The following TAB2 variants were observed in gnomAD, a reference collection of about 807,000 sequenced individuals.
The protein encoded by TAB2 is TGF-beta-activated kinase 1 and MAP3K7-binding protein 2.
A neutral mutation model predicts 65.0 loss-of-function variants in TAB2; 3 were observed. The observed-to-expected ratio is 0.05, with a 90% CI of 0.02 to 0.12. TAB2 has a LOEUF of 0.12. TAB2 is among the 10% of genes least tolerant of loss of function. The probability of loss-of-function intolerance (pLI) is 1.00; values close to 1 mark genes in which losing one functional copy is unlikely to be tolerated. For missense variants in TAB2, 623 were observed against 840.3 expected, an observed-to-expected ratio of 0.74 and a Z score of 3.20; for synonymous variants, 298 against 285.1, an observed-to-expected ratio of 1.05 and a Z score of -0.46.
chr6:149,228,103 A>C (rs779045509), intron 1 of TAB2, among the ~76,000 whole-genome samples: 2 of 152,126 alleles, frequency 1.3e-5, no homozygotes, highest in Admixed American at 6.5e-5. Flanking sequence ...CCCAGCGCCA[A>C]GTCAGATAAA....
chr6:149,350,882 A>G (rs1434285143), intron 1 of TAB2, among the ~76,000 whole-genome samples: 1 of 152,044 alleles, frequency 6.6e-6, no homozygotes, highest in Non-Finnish European at 1.5e-5. Context: ...ATATATTAAA[A>G]CCTTATTAGC....
intron 1 of TAB2, among the ~76,000 whole-genome samples, chr6:149,237,003 T>G (rs1197085788): frequency 6.6e-6 from 1 of 152,214 alleles, no homozygotes; most frequent in Non-Finnish European, 1.5e-5. Context: ...CTCTCTTTAT[T>G]TTTTAAATTG....
At chr6:149,313,759 A>T (rs1007864392), upstream of TAB2, among the ~76,000 whole-genome samples, 3 of 152,186 alleles carry the variant, frequency 2.0e-5, no homozygotes, top group African/African-American at 7.2e-5. Flanking sequence ...TTGTTCCACC[A>T]TGTAGACCAG....
intron 1 of TAB2, among the ~76,000 whole-genome samples, chr6:149,336,494 G>A (rs1583099749): frequency 6.6e-6 from 1 of 152,210 alleles, no homozygotes; most frequent in South Asian, 2.1e-4. Context: ...TAAGCACATA[G>A]CACATGTCTC....
chr6:149,266,523 G>A (rs1028648451), intron 1 of TAB2, among the ~76,000 whole-genome samples: 4 of 152,114 alleles, frequency 2.6e-5, no homozygotes, highest in Non-Finnish European at 5.9e-5. Context: ...AGAGAGGAAG[G>A]CTAACGGAGA....
intron 1 of TAB2, among the ~76,000 whole-genome samples, chr6:149,255,869 A>C (rs1030626298): frequency 1.1e-4 from 16 of 152,242 alleles, no homozygotes; most frequent in Non-Finnish European, 2.1e-4. Flanking sequence ...AGAACCAGGC[A>C]GTCGTTGCAG....
intron 1 of TAB2, among the ~76,000 whole-genome samples, chr6:149,367,060 A>G (rs500860): frequency 0.87 from 132,487 of 152,030 alleles, 57,803 homozygotes; most frequent in Middle Eastern, 0.97. Context: ...TTCAACAAAT[A>G]TGTTGCATCT....
chr6:149,302,205 T>A (rs1218428782), intron 1 of TAB2, among the ~76,000 whole-genome samples: 1 of 152,194 alleles, frequency 6.6e-6, no homozygotes, highest in Admixed American at 6.5e-5. Context: ...ATATTTTGTA[T>A]TTATACAAAT....
At chr6:149,290,904 C>G (rs1778764512) in intron 1 of TAB2, among the ~76,000 whole-genome samples, 1 of 152,216 alleles carries the variant, frequency 6.6e-6, no homozygotes, top group Non-Finnish European at 1.5e-5. Flanking sequence ...GGCTAAATAA[C>G]TGGCTGTTGA....
chr6:149,372,836 C>A (rs1021845939), intron 2 of TAB2, among the ~76,000 whole-genome samples: 2 of 152,134 alleles, frequency 1.3e-5, no homozygotes, highest in African/African-American at 2.4e-5. Context: ...TTTAAACGGG[C>A]AAATTAAGCT....
intron 1 of TAB2, among the ~76,000 whole-genome samples, chr6:149,301,126 G>C (rs933821282): frequency 6.6e-6 from 1 of 152,220 alleles, no homozygotes; most frequent in African/African-American, 2.4e-5. Context: ...CCACATCTCT[G>C]TAAGAGAGTA....
At chr6:149,272,390 G>A (rs1405443362) in intron 1 of TAB2, among the ~76,000 whole-genome samples, 1 of 152,170 alleles carries the variant, frequency 6.6e-6, no homozygotes, top group Non-Finnish European at 1.5e-5. Context: ...TAAAATCAAG[G>A]TGGTGACAGG....
chr6:149,371,764 A>T (rs893146964), intron 2 of TAB2, among the ~76,000 whole-genome samples: 1 of 152,236 alleles, frequency 6.6e-6, no homozygotes, highest in Admixed American at 6.5e-5. Context: ...ACAACAGCAG[A>T]AAGCCCATAA....
intron 1 of TAB2, among the ~76,000 whole-genome samples, chr6:149,259,750 G>A (rs1415967256): frequency 6.6e-6 from 1 of 152,156 alleles, no homozygotes; most frequent in African/African-American, 2.4e-5. Flanking sequence ...AGGTCCATCA[G>A]TCAAACTGCC....
chr6:149,287,076 C>T (rs1235193072), intron 1 of TAB2, among the ~76,000 whole-genome samples: 1 of 152,182 alleles, frequency 6.6e-6, no homozygotes. Context: ...GAGACGGAGC[C>T]ACTGCACTCC....
In TAB2 at chr6:149,410,082, T is replaced by A. The variant is rs1782797497; in HGVS notation, c.*363T>A. 1 of 288,284 alleles carries A rather than the reference T, an allele frequency of 3.5e-6. No homozygotes were observed. The highest frequency in any genetic ancestry group is 4.9e-5 in the Admixed American group (1 of 20,510). 17.9% of individuals were successfully genotyped at this position (288,284 alleles called of 1,614,324 possible). On this transcript the variant is annotated 3_prime_UTR_variant, in exon 7 of 7. Coordinates refer to ENST00000637181, the MANE Select transcript of TAB2 (RefSeq NM_001292034.3). ...ATTTTGACAGGAGGAAGGAATAGAATGATAGCTTGTTTTATTTGTAAAGCT... is the reference window on the plus strand; with the variant it reads ...ATTTTGACAGGAGGAAGGAATAGAAAGATAGCTTGTTTTATTTGTAAAGCT...
chr6:149,331,753 T>C (rs189023246), intron 1 of TAB2, among the ~76,000 whole-genome samples: 39 of 152,298 alleles, frequency 2.6e-4, no homozygotes, highest in African/African-American at 9.1e-4. Flanking sequence ...TCTTCAATTT[T>C]GTCAAATGCT....
intron 1 of TAB2, among the ~76,000 whole-genome samples, chr6:149,292,419 C>A (rs1433078368): frequency 1.3e-5 from 2 of 152,068 alleles, no homozygotes; most frequent in African/African-American, 4.8e-5. Context: ...TATTAGTAAG[C>A]AACAGATTGG....
chr6:149,253,959 A>AG (rs1284245378), intron 1 of TAB2, among the ~76,000 whole-genome samples: 3 of 33,226 alleles, frequency 9.0e-5, no homozygotes, highest in Non-Finnish European at 1.8e-4. Context: ...AAAGAAAGAA[A>AG]AAGAAAGAAA....
Sources: gnomAD v4.1 joint callset for allele counts (sites outside exome capture counted in the v4.1 genomes callset) on GRCh38, gnomAD v4.1.1 for gene constraint, MANE v1.5 for transcripts, NCBI Gene and HGNC (gene_info 2026-07-23, HGNC 2026-07-21) for gene names.